The following TFDP1 variants were observed in gnomAD, a reference collection of about 807,000 sequenced individuals.
TFDP1 encodes the protein DRTF1-polypeptide 1.
In TFDP1, 6 loss-of-function variants were observed where a neutral mutation model predicts 48.0. The observed-to-expected ratio is 0.13, with a 90% confidence interval of 0.07 to 0.25. The LOEUF (loss-of-function observed/expected upper bound fraction) is 0.25. Among genes scored for constraint, TFDP1 ranks in the 10% least tolerant of loss-of-function variants. The pLI is 1.00. For synonymous variants in TFDP1, 201 were observed against 211.6 expected (o/e 0.95, Z 0.44); for missense variants, 335 against 543.0 (o/e 0.62, Z 3.81).
rs1350841295 is a variant in TFDP1 at position 113,623,525 on chromosome 13, ATG to A, written c.186+240_186+241del. On this transcript the variant is annotated intron_variant, in intron 4 of 11. Coordinates refer to ENST00000375370, the MANE Select transcript of TFDP1 (RefSeq NM_007111.5). This position sits in a 1 kb window ranked among gnomAD's most constrained non-coding sequence, Gnocchi z 5.2. The stretch of plus-strand genomic sequence containing the variant: ...ACAGCACTCCTGTGTGCCCCAGCCC[ATG>A]CCATCCTTCCAGTAACTGGAGGGTG... Among the ~76,000 whole-genome samples the A allele has an allele frequency of 6.6e-6, 1 of 151,958 alleles. No individual in the cohort carries two copies. Among genetic ancestry groups the A allele is most frequent in the Non-Finnish European group, 1.5e-5 (1 of 67,950 alleles).
At position 113,606,152 on chromosome 13, in the gene TFDP1, C is replaced by T. The variant is rs537709548; in HGVS notation, c.13-4844C>T. Among the ~76,000 whole-genome samples, 846 of 136,252 alleles carry T rather than the reference C, an allele frequency of 6.2e-3. 11 individuals carry two copies. Among genetic ancestry groups the T allele is most frequent in the African/African-American group, 0.022 (790 of 35,282 alleles). The allele number at this position is 136,252 out of a possible 152,430, so 89.4% of individuals were successfully genotyped here. A position where few individuals can be genotyped will look rare whatever the true frequency, so the allele number is the denominator to read the frequency against. On this transcript the variant is annotated intron_variant, in intron 2 of 11. Coordinates refer to ENST00000375370, the MANE Select transcript of TFDP1 (RefSeq NM_007111.5). ...CAGGGGATCCTGTGGGAAGGCGGCGCGGTGATGAGTGTCCGCAGGGGATCC... is the reference window on the plus strand; with the variant it reads ...CAGGGGATCCTGTGGGAAGGCGGCGTGGTGATGAGTGTCCGCAGGGGATCC...
intron 10 of TFDP1, chr13:113,637,222 T>C (rs540398507): frequency 5.0e-6 from 1 of 200,350 alleles, no homozygotes; most frequent in Non-Finnish European, 1.0e-5. Context: ...TCCCAGCCAC[T>C]GACAGCAGGA....
intron 11 of TFDP1, among the ~76,000 whole-genome samples, chr13:113,638,344 T>C (rs2049552580): frequency 6.6e-6 from 1 of 151,780 alleles, no homozygotes; most frequent in Non-Finnish European, 1.5e-5. Flanking sequence ...TCAGAACGCA[T>C]CTGCGGTCAT....
At chr13:113,593,750 G>A (rs1231919466) in intron 2 of TFDP1, among the ~76,000 whole-genome samples, 5 of 145,826 alleles carry the variant, frequency 3.4e-5, no homozygotes, top group African/African-American at 7.7e-5. Context: ...TGTGGTGTGC[G>A]CGGGTCCTCA....
chr13:113,640,369 G>T lies in TFDP1; in HGVS notation c.*102G>T. ...TTTCCTTTTGGCCTACTCCCAAGAA[G>T]ATATTGGTAAGCTATTGAATTTAGA... is the stretch of plus-strand genomic sequence containing the variant. On this transcript the variant is annotated 3_prime_UTR_variant, in exon 12 of 12. Transcript: ENST00000375370. The T allele has an allele frequency of 6.6e-7, 1 of 1,504,892 alleles. No homozygotes were observed. Among genetic ancestry groups the T allele is most frequent in the Non-Finnish European group, 8.8e-7 (1 of 1,134,338 alleles). The allele number at this position is 1,504,892 out of a possible 1,614,324, so 93.2% of individuals were successfully genotyped here. A position where few individuals can be genotyped will look rare whatever the true frequency, so the allele number is the denominator to read the frequency against.
intron 3 of TFDP1, among the ~76,000 whole-genome samples, chr13:113,622,872 G>C (rs755117836): frequency 2.4e-4 from 37 of 152,260 alleles, no homozygotes; most frequent in Non-Finnish European, 1.5e-5. Flanking sequence ...TAGAATCACA[G>C]ACTTTTCCAG....
At chr13:113,620,429 GT>G (rs2048969911) in intron 3 of TFDP1, among the ~76,000 whole-genome samples, 2 of 152,356 alleles carry the variant, frequency 1.3e-5, no homozygotes, top group South Asian at 4.1e-4. Context: ...TCAGAGGTCT[GT>G]TTCTTTCTTC....
chr13:113,595,806 G>A (rs1462002095), intron 2 of TFDP1, among the ~76,000 whole-genome samples: 1 of 152,240 alleles, frequency 6.6e-6, no homozygotes, highest in Non-Finnish European at 1.5e-5. Context: ...ATGGCGGCCG[G>A]GTGCGGTGGC....
At chr13:113,590,579 T>C (rs910718079) in intron 2 of TFDP1, among the ~76,000 whole-genome samples, 10 of 152,244 alleles carry the variant, frequency 6.6e-5, no homozygotes, top group African/African-American at 2.4e-4. Context: ...GTTGTCAGTT[T>C]AGCCCCCTCA....
intron 3 of TFDP1, among the ~76,000 whole-genome samples, chr13:113,611,912 G>T (rs556757798): frequency 6.6e-6 from 1 of 152,212 alleles, no homozygotes; most frequent in African/African-American, 2.4e-5. Context: ...TGCCCTGGTC[G>T]CAACATCCAC....
At chr13:113,614,758 G>T (rs1859053875) in intron 3 of TFDP1, among the ~76,000 whole-genome samples, 1 of 152,226 alleles carries the variant, frequency 6.6e-6, no homozygotes, top group Admixed American at 6.5e-5. Context: ...GCCAGTGAGC[G>T]ACGGGAACCT....
intron 2 of TFDP1, among the ~76,000 whole-genome samples, chr13:113,591,306 A>C (rs1177348988): frequency 6.6e-6 from 1 of 150,684 alleles, no homozygotes; most frequent in Non-Finnish European, 1.5e-5. Flanking sequence ...ACGCCATTGC[A>C]CTCCAGCCTG....
intron 3 of TFDP1, among the ~76,000 whole-genome samples, chr13:113,617,316 C>G (rs1370681237): frequency 6.6e-6 from 1 of 152,148 alleles, no homozygotes; most frequent in East Asian, 1.9e-4. Context: ...GCTGTGGTCG[C>G]TTAGGCAGGA....
chr13:113,624,184 C>A (rs1472161151), intron 4 of TFDP1, among the ~76,000 whole-genome samples: 2 of 152,136 alleles, frequency 1.3e-5, no homozygotes, highest in Admixed American at 6.5e-5. Context: ...TGCACCCCGG[C>A]CTCCTGGCCC....
At chr13:113,637,534 T>A (rs1017408427) in intron 10 of TFDP1, 2 of 1,330,832 alleles carry the variant, frequency 1.5e-6, no homozygotes, top group African/African-American at 2.9e-5. Context: ...TCACGATGGG[T>A]ATGATACTGA....
Position 113,636,710 on chromosome 13 carries a change from G to T in TFDP1, c.1006+10G>T, listed in dbSNP as rs766034705. 3 of 1,611,264 alleles carry T rather than the reference G, an allele frequency of 1.9e-6. No homozygotes were observed. On this transcript the variant is annotated intron_variant, in intron 10 of 11. Coordinates refer to ENST00000375370, the MANE Select transcript of TFDP1 (RefSeq NM_007111.5). ...GAGCCATACGTGACAGGTCAGCAAT[G>T]CCCAGACAACCTGGCGTGGCTGTGT... is the stretch of plus-strand genomic sequence containing the variant.
rs1054881645 is a variant in TFDP1 at position 113,616,424 on chromosome 13, G to A, written c.79+5362G>A. ...TCATGATTTTTAACATAGTAAATCC[G>A]TGGAGAGCGCTCAGGTACAGATCAT... On this transcript the variant is annotated intron_variant, in intron 3 of 11. Transcript: ENST00000375370. 7.2e-5 allele frequency among the ~76,000 whole-genome samples: 11 copies of A among 152,224 alleles called. No individual in the cohort carries two copies. In the East Asian group the frequency reaches 1.5e-3, roughly 21 times the overall value.
chr13:113,615,503 G>A lies in TFDP1; in HGVS notation c.79+4441G>A, dbSNP rs191810741. On this transcript the variant is annotated intron_variant, in intron 3 of 11. Transcript: ENST00000375370. Reference sequence around the variant, plus strand: ...CGTCCTCAGGGAGGCCATCCGGGAGGCCACAGCTGGCCTGGAAGTGTGCTT... The same window carrying A: ...CGTCCTCAGGGAGGCCATCCGGGAGACCACAGCTGGCCTGGAAGTGTGCTT... 1.5e-3 allele frequency among the ~76,000 whole-genome samples: 224 copies of A among 152,336 alleles called. 3 individuals are homozygous for A. The highest frequency in any genetic ancestry group is 2.5e-3 in the Non-Finnish European group (168 of 68,034).
chr13:113,586,428 C>T (rs1452731568), intron 2 of TFDP1, among the ~76,000 whole-genome samples: 1 of 151,990 alleles, frequency 6.6e-6, no homozygotes, highest in Non-Finnish European at 1.5e-5. Context: ...TGTCATGAAA[C>T]TATAGAATAT....
Sources: gnomAD v4.1 joint callset for allele counts (sites outside exome capture counted in the v4.1 genomes callset) on GRCh38, gnomAD v4.1.1 for gene constraint, Gnocchi (gnomAD v3.1) non-coding constraint, MANE v1.5 for transcripts, NCBI Gene and HGNC (gene_info 2026-07-23, HGNC 2026-07-21) for gene names.